Variants in SIGLEC6 observed in about 807,000 individuals in gnomAD.
The protein encoded by SIGLEC6 is sialic acid binding Ig like lectin 6, also known as sialic acid-binding Ig-like lectin 6.
A neutral mutation model predicts 41.4 loss-of-function variants in SIGLEC6; 31 were observed. The observed-to-expected ratio is 0.75, with a 90% CI of 0.56 to 1.01. The LOEUF (loss-of-function observed/expected upper bound fraction) is 1.01, where lower values mean the gene tolerates loss of function less well. SIGLEC6 is among the 50% of genes least tolerant of loss of function. SIGLEC6 has a pLI of 0.00. For synonymous variants in SIGLEC6, 217 were observed against 231.0 expected (o/e 0.94, Z 0.55); for missense variants, 555 against 558.6 (o/e 0.99, Z 0.06).
At chr19:51,522,057 A>T (rs961407807) in intron 7 of SIGLEC6, among the ~76,000 whole-genome samples, 2 of 152,260 alleles carry the variant, frequency 1.3e-5, no homozygotes, top group African/African-American at 4.8e-5. Context: ...AAAAAACTAC[A>T]CAGAGAAAGA....
At chr19:51,527,934 G>T (rs1979510549) in intron 6 of SIGLEC6, 106 bp from the exon 7 acceptor site, 2 of 1,153,930 alleles carry the variant, frequency 1.7e-6, no homozygotes, top group East Asian at 4.7e-5. Flanking sequence ...TAATTAAGAG[G>T]TCCAGGTGCT....
chr19:51,521,028 T>A (rs945975103), intron 7 of SIGLEC6, among the ~76,000 whole-genome samples: 8 of 150,330 alleles, frequency 5.3e-5, no homozygotes, highest in East Asian at 1.9e-4. Context: ...ATCACTTTTT[T>A]AATTCATGAT....
intron 7 of SIGLEC6, among the ~76,000 whole-genome samples, chr19:51,522,727 G>A (rs948062317): frequency 6.6e-6 from 1 of 152,164 alleles, no homozygotes; most frequent in Non-Finnish European, 1.5e-5. Context: ...GGAAGTGGAG[G>A]TTGCAGTGAA....
At chr19:51,524,270 T>C (rs79022095) in intron 7 of SIGLEC6, among the ~76,000 whole-genome samples, 3,633 of 152,236 alleles carry the variant, frequency 0.024, 140 homozygotes, top group African/African-American at 0.084. Context: ...GGCACACATG[T>C]GTTAAAAGTA....
rs1990690786 is a variant in SIGLEC6, at chr19:51,518,713, T to C, written c.*1369A>G. On this transcript the variant is annotated 3_prime_UTR_variant, in exon 8 of 8. Transcript: ENST00000425629. ...AATTTTCCTTAATAGTTGGTCTTCA[T>C]TAAATGCTTTCTTCAATTTCACTGG... is the stretch of plus-strand genomic sequence containing the variant. 6.6e-6 allele frequency among the ~76,000 whole-genome samples: 1 copy of C among 152,226 alleles called. No individual in the cohort carries two copies. The highest frequency in any genetic ancestry group is 2.4e-5 in the African/African-American group (1 of 41,462).
intron 7 of SIGLEC6, among the ~76,000 whole-genome samples, chr19:51,521,863 CT>C (rs936225602): frequency 2.6e-4 from 40 of 152,176 alleles, no homozygotes; most frequent in African/African-American, 9.2e-4. Context: ...GCAGACAGGA[CT>C]GTGACATCTG....
intron 6 of SIGLEC6, 68 bp from the exon 7 acceptor site, chr19:51,527,896 T>C (rs1979505360): frequency 1.0e-5 from 15 of 1,465,182 alleles, no homozygotes; most frequent in Non-Finnish European, 1.4e-5. Flanking sequence ...GAAAACCATC[T>C]CCCCACTCCC....
intron 7 of SIGLEC6, among the ~76,000 whole-genome samples, chr19:51,526,802 G>A (rs1216082374): frequency 1.3e-5 from 2 of 152,292 alleles, no homozygotes; most frequent in African/African-American, 2.4e-5. Flanking sequence ...AAGGAATCCA[G>A]TAAAACAATT....
At position 51,531,472 on chromosome 19, in the gene SIGLEC6, G is replaced by T. The variant is rs1980385507; in HGVS notation, c.115C>A (p.Leu39Met). ...ACGCACAGACCCTCCTGCACCGTCA[G>T]TGACTCTGGCCCCTCCAGCTGGAAT... is the stretch of plus-strand genomic sequence containing the variant. Reference protein sequence around the residue: ...RRFQLEGPESLTVQEGLCVLV... With the variant: ...RRFQLEGPESMTVQEGLCVLV... Residue 39 changes from leucine (L) to methionine (M), a missense_variant, in exon 2 of 8, where the codon CTG (leucine) becomes ATG (methionine). Coordinates refer to ENST00000425629, the MANE Select transcript of SIGLEC6 (RefSeq NM_001245.7). 2.5e-6 allele frequency: 4 copies of T among 1,613,948 alleles called. No homozygotes were observed. The highest frequency in any genetic ancestry group is 2.5e-6 in the Non-Finnish European group (3 of 1,179,964).
In SIGLEC6 at chr19:51,528,291, C is replaced by T. The variant is rs202059010; in HGVS notation, c.1013-38G>A. On this transcript the variant is annotated intron_variant, in intron 5 of 7. Transcript: ENST00000425629. The stretch of plus-strand genomic sequence containing the variant: ...TTTTAAGTGAACTCCAGTTCTAATT[C>T]CAGGACATCCTCCCAACAGCCATTC... The T allele has an allele frequency of 1.1e-3, 1,696 of 1,546,822 alleles. 1 individual carries two copies. Among genetic ancestry groups the T allele is most frequent in the Non-Finnish European group, 1.4e-3 (1,585 of 1,119,160 alleles).
intron 5 of SIGLEC6, among the ~76,000 whole-genome samples, chr19:51,528,836 C>T (rs918210825): frequency 1.3e-5 from 2 of 151,822 alleles, no homozygotes; most frequent in African/African-American, 2.4e-5. Context: ...TAAAAATTAG[C>T]TGGGCATGGT....
chr19:51,518,503 G>A lies in SIGLEC6; in HGVS notation c.*1579C>T, dbSNP rs1268957500. ...TTACAGGCAAGTGCCACCACACCGA[G>A]CTAATTTTTGTATTTTAGTAGAGAT... On this transcript the variant is annotated 3_prime_UTR_variant, in exon 8 of 8. Transcript: ENST00000425629. 1.3e-5 allele frequency among the ~76,000 whole-genome samples: 2 copies of A among 152,114 alleles called. No homozygotes were observed. The highest frequency in any genetic ancestry group is 4.8e-5 in the African/African-American group (2 of 41,390).
chr19:51,524,350 C>G (rs987664798), intron 7 of SIGLEC6, among the ~76,000 whole-genome samples: 1 of 152,138 alleles, frequency 6.6e-6, no homozygotes, highest in Non-Finnish European at 1.5e-5. Context: ...TTAAATCAGA[C>G]AGTGTATTTT....
At chr19:51,528,702 G>A (rs1979650612) in intron 5 of SIGLEC6, among the ~76,000 whole-genome samples, 2 of 152,048 alleles carry the variant, frequency 1.3e-5, no homozygotes, top group African/African-American at 2.4e-5. Context: ...GAAAATGTGG[G>A]TCGGGTGCAG....
intron 7 of SIGLEC6, among the ~76,000 whole-genome samples, chr19:51,524,319 A>G (rs1978830165): frequency 6.6e-6 from 1 of 152,236 alleles, no homozygotes; most frequent in Middle Eastern, 3.2e-3. Flanking sequence ...CACTAATATT[A>G]AGAACACTAG....
chr19:51,526,329 T>C (rs747606873), intron 7 of SIGLEC6, among the ~76,000 whole-genome samples: 2 of 152,254 alleles, frequency 1.3e-5, no homozygotes, highest in Admixed American at 6.5e-5. Flanking sequence ...TGGCTGCAAA[T>C]GTGAGGAACT....
intron 5 of SIGLEC6, among the ~76,000 whole-genome samples, chr19:51,528,728 A>G (rs1979655742): frequency 1.3e-5 from 2 of 152,050 alleles, no homozygotes; most frequent in Admixed American, 6.5e-5. Context: ...CACACCTGTA[A>G]TCCCATCATT....
chr19:51,531,645 G>A lies in SIGLEC6; in HGVS notation c.4C>T (p.Gln2Ter), dbSNP rs1188961019. 1.2e-6 allele frequency: 2 copies of A among 1,602,190 alleles called. No homozygotes were observed. The highest frequency in any genetic ancestry group is 3.3e-4 in the Middle Eastern group (2 of 6,014). The part of the protein sequence containing the change: M[Q>*]GAQEASASEM... ...GAGGCGGAGGCTTCCTGGGCTCCCT[G>A]CATGAGCAGAGAAGGGGAAGGGAGT... Residue 2 changes from glutamine to a stop codon, truncating the protein, a stop_gained, in exon 1 of 8, where the codon CAG (glutamine) becomes TAG (stop). Coordinates refer to ENST00000425629, the MANE Select transcript of SIGLEC6 (RefSeq NM_001245.7). LOFTEE classifies it high-confidence loss of function.
rs1378697683 is a variant in SIGLEC6, at chr19:51,527,759, G to A, written c.1176C>T (p.Val392=). The A allele has an allele frequency of 6.2e-7, 1 of 1,613,942 alleles. No individual in the cohort carries two copies. The highest frequency in any genetic ancestry group is 8.5e-7 in the Non-Finnish European group (1 of 1,179,926). The change falls in exon 7 of 8, where the codon GTC becomes GTT. Residue 392 remains valine (V), a synonymous_variant. Coordinates refer to ENST00000425629, the MANE Select transcript of SIGLEC6 (RefSeq NM_001245.7). ...CTCTGTCACTCACCCTGGAGCCTGA[G>A]ACCATGACGGGGTTCACATCATCCG... is the stretch of plus-strand genomic sequence containing the variant. ...QNTDDVNPVM[V]SGSRGHQHQF... is the part of the protein sequence containing the mutation.
Sources: allele counts gnomAD v4.1 joint callset (sites outside exome capture counted in the v4.1 genomes callset), GRCh38; gene constraint gnomAD v4.1.1; transcripts MANE v1.5; gene names NCBI Gene and HGNC (gene_info 2026-07-23, HGNC 2026-07-21).